AMDHD2: variants seen among roughly 807,000 people sequenced by gnomAD.
AMDHD2 encodes N-acetylglucosamine-6-phosphate deacetylase.
AMDHD2 carries 24 observed loss-of-function variants against 41.8 expected under a neutral mutation model. The observed-to-expected ratio is 0.57, with a 90% CI of 0.42 to 0.81. AMDHD2 has a LOEUF of 0.81. AMDHD2 is among the 30% of genes least tolerant of loss of function. The probability of loss-of-function intolerance (pLI) is 0.00; values close to 1 mark genes in which losing one functional copy is unlikely to be tolerated. For synonymous variants in AMDHD2, 332 were observed against 255.5 expected (o/e 1.30, Z -2.85); for missense variants, 540 against 588.5 (o/e 0.92, Z 0.85).
chr16:2,528,065 T>G lies in AMDHD2; in HGVS notation c.634T>G (p.Ser212Ala), dbSNP rs1349800863. The G allele has an allele frequency of 6.2e-7, 1 of 1,612,826 alleles. No individual in the cohort carries two copies. The highest frequency in any genetic ancestry group is 8.5e-7 in the Non-Finnish European group (1 of 1,179,888). The change falls in exon 6 of 11, where the codon TCA becomes GCA. Residue 212 changes from serine (S) to alanine (A), a missense_variant. By Grantham distance (99) the Ser-to-Ala change is moderately conservative. Transcript: ENST00000293971. ...TCTGAATCCAGGTCCCGCAGGGCAC[T>G]CAGTGGCTGACCTGCGGGCGGCAGA... The part of the protein sequence containing the change: ...ARGICVSLGH[S>A]VADLRAAEDA...
In AMDHD2 at chr16:2,528,560, G is replaced by A. The variant is rs745568777; in HGVS notation, c.970+1G>A. 1 of 1,612,630 alleles carries A rather than the reference G, an allele frequency of 6.2e-7. No homozygotes were observed. Among genetic ancestry groups the A allele is most frequent in the Non-Finnish European group, 8.5e-7 (1 of 1,179,942 alleles). On this transcript the variant is annotated splice_donor_variant, in intron 8 of 10. Coordinates refer to ENST00000293971, the MANE Select transcript of AMDHD2 (RefSeq NM_001330449.2). LOFTEE classifies it high-confidence loss of function. ...GACGGTCTGACGGCCTACGTGGCAGGTGAGCGCCCTGACCCACTGGGTCCC... is the reference window on the plus strand; with the variant it reads ...GACGGTCTGACGGCCTACGTGGCAGATGAGCGCCCTGACCCACTGGGTCCC...
rs1288355751 is a variant in AMDHD2, at chr16:2,529,856, C to T, written c.*293C>T. 6.7e-6 allele frequency: 9 copies of T among 1,353,368 alleles called. No homozygotes were observed. Among genetic ancestry groups the T allele is most frequent in the Non-Finnish European group, 8.7e-6 (9 of 1,030,958 alleles). The allele number at this position is 1,353,368 out of a possible 1,614,324, so 83.8% of individuals were successfully genotyped here. ...TGTAGTTTAGCCTGGGCCTTGGGCC[C>T]CAGTGGGGGACAGGGCCTGTCTGCA... On this transcript the variant is annotated 3_prime_UTR_variant, in exon 11 of 11. Transcript: ENST00000293971.
At chr16:2,522,295 T>G (rs1016932386) in intron 3 of AMDHD2, among the ~76,000 whole-genome samples, 1 of 152,202 alleles carries the variant, frequency 6.6e-6, no homozygotes, top group Admixed American at 6.5e-5. Context: ...TTGCCCAGGC[T>G]GGTTCTGAAC....
At chr16:2,520,630 C>A in intron 1 of AMDHD2, 89 bp downstream of exon 1, 1 of 1,035,478 alleles carries the variant, frequency 9.7e-7, no homozygotes, top group Non-Finnish European at 1.2e-6. Context: ...GGGTGCGGGG[C>A]CGGGGACAGG....
chr16:2,522,162 C>T (rs893168613), intron 3 of AMDHD2, among the ~76,000 whole-genome samples: 5 of 152,170 alleles, frequency 3.3e-5, no homozygotes, highest in Non-Finnish European at 5.9e-5. Flanking sequence ...TAGCCCATTG[C>T]AGCCTCATTC....
chr16:2,530,747 G>C lies in AMDHD2; in HGVS notation c.*1184G>C. 1 of 1,613,704 alleles carries C rather than the reference G, an allele frequency of 6.2e-7. No individual in the cohort carries two copies. Among genetic ancestry groups the C allele is most frequent in the African/African-American group, 1.3e-5 (1 of 75,058 alleles). On this transcript the variant is annotated 3_prime_UTR_variant, in exon 11 of 11. Transcript: ENST00000293971. ...CAGGGAAGAACCACCTGCCTGGGCA[G>C]GGCCTCGCCTGAGGGAGGGCCTGGG...
At chr16:2,523,771 C>T (rs1427605577) in intron 3 of AMDHD2, among the ~76,000 whole-genome samples, 2 of 152,202 alleles carry the variant, frequency 1.3e-5, no homozygotes, top group Non-Finnish European at 2.9e-5. Context: ...CCCCTACCGG[C>T]AGCATTCCTT....
rs61746888 is a variant in AMDHD2 at position 2,530,361 on chromosome 16, G to T, written c.*798G>T. 1.6e-3 allele frequency: 2,508 copies of T among 1,614,152 alleles called. 5 individuals carry two copies. The highest frequency in any genetic ancestry group is 2.0e-3 in the Non-Finnish European group (2,310 of 1,180,018). ...CATTAGTGTCATCCTGCCATCTTCT[G>T]TGTCCCCTTGGCCCTGGCACACACC... is the stretch of plus-strand genomic sequence containing the variant. On this transcript the variant is annotated 3_prime_UTR_variant, in exon 11 of 11. Coordinates refer to ENST00000293971, the MANE Select transcript of AMDHD2 (RefSeq NM_001330449.2).
intron 3 of AMDHD2, among the ~76,000 whole-genome samples, chr16:2,526,696 G>A (rs2066008035): frequency 6.6e-6 from 1 of 151,376 alleles, no homozygotes; most frequent in South Asian, 2.1e-4. Context: ...CCAGCACTTT[G>A]GGAGACTAAG....
intron 3 of AMDHD2, among the ~76,000 whole-genome samples, chr16:2,523,666 C>G (rs1370520750): frequency 1.3e-5 from 2 of 152,222 alleles, no homozygotes; most frequent in African/African-American, 4.8e-5. Context: ...CTGCTGCCAA[C>G]TGGCACCTGG....
Position 2,520,809 on chromosome 16 carries a change from G to A in AMDHD2, c.124G>A (p.Glu42Lys). ...GCGCGGAGGCCGCATCTTGGACCCA[G>A]AGAAGCTGTTCTTTGAGGAGCGGCG... ...WVRGGRILDP[E>K]KLFFEERRVA... is the part of the protein sequence containing the mutation. The change falls in exon 2 of 11, where the codon GAG (glutamate) becomes AAG (lysine). Residue 42 changes from glutamate (E) to lysine (K), a missense_variant. Glu to Lys is a moderately conservative substitution (Grantham distance 56). Transcript: ENST00000293971. The A allele has an allele frequency of 6.2e-7, 1 of 1,610,402 alleles. No homozygotes were observed. The highest frequency in any genetic ancestry group is 8.5e-7 in the Non-Finnish European group (1 of 1,179,160).
At position 2,527,310 on chromosome 16, in the gene AMDHD2, G is replaced by GTGCCCACAAGCC. The variant is rs2066016213; in HGVS notation, c.361-242_361-231dup. On this transcript the variant is annotated intron_variant, in intron 3 of 10. Transcript: ENST00000293971. This position sits in a 1 kb window ranked among gnomAD's most constrained non-coding sequence, Gnocchi z 6.1. ...GCTGCTGTGCCCAGGGCCACCCTCA[G>GTGCCCACAAGCC]TGCCCACAAGCCTGCCCACATGGCC... Among the ~76,000 whole-genome samples, 1 of 151,868 alleles carries GTGCCCACAAGCC rather than the reference G, an allele frequency of 6.6e-6. No homozygotes were observed. The highest frequency in any genetic ancestry group is 6.5e-5 in the Admixed American group (1 of 15,272).
rs553387855 is a variant in AMDHD2 at position 2,521,999 on chromosome 16, T to G, written c.360+876T>G. The stretch of plus-strand genomic sequence containing the variant: ...CGGGGTTTCACCGTGTTAGCCAGGA[T>G]GGTCTCGATCTCCTGACCTCGTGAT... On this transcript the variant is annotated intron_variant, in intron 3 of 10. Transcript: ENST00000293971. 4.3e-4 allele frequency among the ~76,000 whole-genome samples: 66 copies of G among 152,104 alleles called. 1 individual carries two copies. In the South Asian group the frequency reaches 5.0e-3, roughly 11 times the overall value.
Position 2,528,972 on chromosome 16 carries a change from CCTAG to C in AMDHD2, c.1040-19_1040-16del, listed in dbSNP as rs1596999782. Reference sequence around the variant, plus strand: ...AGCCATGTGGGCTTGGGGACTGTCACCTAGCTGTGTCCCCCAAGCAGGCTGCAGC... The same window carrying C: ...AGCCATGTGGGCTTGGGGACTGTCACCTGTGTCCCCCAAGCAGGCTGCAGC... On this transcript the variant is annotated intron_variant, in intron 9 of 10. Transcript: ENST00000293971. The C allele has an allele frequency of 1.3e-6, 2 of 1,560,484 alleles. No individual in the cohort carries two copies. Among genetic ancestry groups the C allele is most frequent in the East Asian group, 4.8e-5 (2 of 41,982 alleles).
chr16:2,522,889 G>GCCTC (rs1002919739), intron 3 of AMDHD2, among the ~76,000 whole-genome samples: 4 of 150,148 alleles, frequency 2.7e-5, no homozygotes, highest in Admixed American at 2.0e-4. Flanking sequence ...TGTTGACCAG[G>GCCTC]CTGGAGTGCA....
chr16:2,524,314 G>T (rs1441216252), intron 3 of AMDHD2, among the ~76,000 whole-genome samples: 1 of 152,210 alleles, frequency 6.6e-6, no homozygotes, highest in African/African-American at 2.4e-5. Flanking sequence ...CCTTTGCTAC[G>T]GTACTTGGAG....
Position 2,531,155 on chromosome 16 carries a change from C to T in AMDHD2, c.*1592C>T. The T allele has an allele frequency of 2.0e-6, 3 of 1,505,162 alleles. No individual in the cohort carries two copies. The highest frequency in any genetic ancestry group is 2.7e-6 in the Non-Finnish European group (3 of 1,122,134). The allele number at this position is 1,505,162 out of a possible 1,614,324, so 93.2% of individuals were successfully genotyped here. A position where few individuals can be genotyped will look rare whatever the true frequency, so the allele number is the denominator to read the frequency against. On this transcript the variant is annotated 3_prime_UTR_variant, in exon 11 of 11. Transcript: ENST00000293971. ...CAGTCCAGAGCTGGTGAGCCCTGGG[C>T]CAGCCTTTGGGCCTGGCCTGCCCCA...
chr16:2,521,562 C>A (rs936670933), intron 3 of AMDHD2, among the ~76,000 whole-genome samples: 1 of 152,322 alleles, frequency 6.6e-6, no homozygotes, highest in East Asian at 1.9e-4. Context: ...CCCCCTGCTC[C>A]TGTACTGCTT....
chr16:2,527,049 G>A lies in AMDHD2; in HGVS notation c.361-512G>A, dbSNP rs2066012687. On this transcript the variant is annotated intron_variant, in intron 3 of 10. Coordinates refer to ENST00000293971, the MANE Select transcript of AMDHD2 (RefSeq NM_001330449.2). This position sits in a 1 kb window ranked among gnomAD's most constrained non-coding sequence, Gnocchi z 6.1. ...GGGAAGGCTCCCCCAGCCCATGCCT[G>A]TGTTGGAGAGAGGGAGTGTGCACTG... is the stretch of plus-strand genomic sequence containing the variant. The A allele has an allele frequency of 6.1e-6, 1 of 163,218 alleles. No homozygotes were observed. The allele number at this position is 163,218 out of a possible 1,614,324, so 10.1% of individuals were successfully genotyped here.
Sources: allele counts gnomAD v4.1 joint callset (sites outside exome capture counted in the v4.1 genomes callset), GRCh38; gene constraint gnomAD v4.1.1; non-coding constraint Gnocchi (gnomAD v3.1); transcripts MANE v1.5; gene names NCBI Gene and HGNC (gene_info 2026-07-23, HGNC 2026-07-21).